FAT3: variants seen among roughly 807,000 people sequenced by gnomAD.
The protein encoded by FAT3 is protocadherin Fat 3.
In FAT3, 95 loss-of-function variants were observed where a neutral mutation model predicts 310.2. The ratio of observed to expected loss-of-function variants is 0.31; its 90% CI spans 0.26 to 0.36. The LOEUF is 0.36. Among genes scored for constraint, FAT3 ranks in the 10% least tolerant of loss-of-function variants. The pLI, the probability that FAT3 is intolerant of heterozygous loss-of-function variation, is 1.00. For missense variants in FAT3, 5,408 were observed against 5,715.6 expected, an observed-to-expected ratio of 0.95 and a Z score of 1.74; for synonymous variants, 2,314 against 2,192.9, an observed-to-expected ratio of 1.06 and a Z score of -1.54.
chr11:92,477,956 G>A (rs1467640242), intron 2 of FAT3, among the ~76,000 whole-genome samples: 1 of 152,194 alleles, frequency 6.6e-6, no homozygotes, highest in Non-Finnish European at 1.5e-5. Context: ...TGTCCCAGGT[G>A]ATAGCCTTCA....
chr11:92,610,432 A>G (rs1940508443), intron 3 of FAT3, among the ~76,000 whole-genome samples: 1 of 152,186 alleles, frequency 6.6e-6, no homozygotes, highest in Non-Finnish European at 1.5e-5. Flanking sequence ...CTCATTTTTA[A>G]AGTATTAAGC....
At chr11:92,574,694 G>C (rs1438592665) in intron 3 of FAT3, among the ~76,000 whole-genome samples, 1 of 152,144 alleles carries the variant, frequency 6.6e-6, no homozygotes, top group African/African-American at 2.4e-5. Flanking sequence ...TGAGCTTCTA[G>C]TAAACATTCT....
At position 92,800,473 on chromosome 11, in the gene FAT3, T is replaced by A. The variant is rs1480994980; in HGVS notation, c.7460T>A (p.Leu2487His). The A allele has an allele frequency of 1.2e-6, 2 of 1,614,004 alleles. No homozygotes were observed. The highest frequency in any genetic ancestry group is 3.3e-5 in the Admixed American group (2 of 60,024). Residue 2487 changes from leucine (L) to histidine (H), a missense_variant, in exon 10 of 28, where the codon CTT becomes CAT. Transcript: ENST00000525166. ...TSTAQVHIRVLGANLYSPAFS... is the reference protein window; with the variant it reads ...TSTAQVHIRVHGANLYSPAFS... The stretch of plus-strand genomic sequence containing the variant: ...ACTGCACAGGTGCATATTAGGGTAC[T>A]TGGGGCTAACTTGTACAGCCCTGCC...
At chr11:92,779,928 A>G (rs1164094851) in intron 7 of FAT3, among the ~76,000 whole-genome samples, 1 of 152,094 alleles carries the variant, frequency 6.6e-6, no homozygotes, top group Non-Finnish European at 1.5e-5. Context: ...AGCCTTAAGG[A>G]GCTGAGAGAG....
At chr11:92,792,595 A>T (rs1316842296) in intron 8 of FAT3, among the ~76,000 whole-genome samples, 172 bp from the exon 9 acceptor site, 3 of 152,180 alleles carry the variant, frequency 2.0e-5, no homozygotes, top group Admixed American at 1.3e-4. Context: ...ATTTGCTCAC[A>T]ATGTTTCCTC....
chr11:92,340,508 T>C (rs1009096930), intron 1 of FAT3, among the ~76,000 whole-genome samples: 1 of 152,218 alleles, frequency 6.6e-6, no homozygotes, highest in Non-Finnish European at 1.5e-5. Context: ...CCGTCTGCAT[T>C]GGATTGCTTT....
At chr11:92,806,559 A>G (rs1947512478) in intron 12 of FAT3, 44 bp downstream of exon 12, 2 of 1,494,008 alleles carry the variant, frequency 1.3e-6, no homozygotes, top group Non-Finnish European at 9.0e-7. Flanking sequence ...TTGTTAATTC[A>G]TGAGAGAAGT....
chr11:92,330,984 G>A (rs1413332354), intron 1 of FAT3, among the ~76,000 whole-genome samples: 5 of 120,628 alleles, frequency 4.1e-5, no homozygotes, highest in African/African-American at 5.2e-5. Context: ...GTGTGTGTGT[G>A]TGTGTGTGTG....
chr11:92,592,279 A>G (rs965715867), intron 3 of FAT3, among the ~76,000 whole-genome samples: 31 of 151,510 alleles, frequency 2.0e-4, no homozygotes, highest in African/African-American at 6.8e-4. Flanking sequence ...TTGTAAACAA[A>G]GATGTTGCCC....
At chr11:92,871,454 T>C (rs1327179560) in intron 22 of FAT3, among the ~76,000 whole-genome samples, 7 of 152,212 alleles carry the variant, frequency 4.6e-5, no homozygotes, top group Non-Finnish European at 1.5e-5. Context: ...CTAGGTGCTA[T>C]AGTGATTTAT....
intron 1 of FAT3, among the ~76,000 whole-genome samples, chr11:92,277,703 G>GGA (rs144982879): frequency 9.9e-5 from 15 of 151,716 alleles, no homozygotes; most frequent in African/African-American, 3.4e-4. Flanking sequence ...ATACTAGAGT[G>GGA]GAGAGAGAGA....
chr11:92,352,021 A>G (rs577259906), intron 1 of FAT3, 75 bp from the exon 2 acceptor site: 126 of 968,022 alleles, frequency 1.3e-4, no homozygotes, highest in Non-Finnish European at 1.6e-4. Flanking sequence ...ATGGCTTCCT[A>G]ATAGTTATTT....
intron 21 of FAT3, among the ~76,000 whole-genome samples, chr11:92,866,040 T>G (rs1949238968): frequency 6.6e-6 from 1 of 152,222 alleles, no homozygotes; most frequent in Non-Finnish European, 1.5e-5. Context: ...ACCTAAACCA[T>G]GAGCATCATC....
At chr11:92,264,945 C>T (rs1011967273) in intron 1 of FAT3, among the ~76,000 whole-genome samples, 9 of 151,998 alleles carry the variant, frequency 5.9e-5, no homozygotes, top group African/African-American at 9.7e-5. Flanking sequence ...AGAGACACCC[C>T]ATGCCCACCT....
intron 3 of FAT3, among the ~76,000 whole-genome samples, chr11:92,661,100 G>A (rs527543260): frequency 1.8e-4 from 28 of 152,200 alleles, no homozygotes; most frequent in Non-Finnish European, 3.4e-4. Context: ...CAAAATAAAT[G>A]TATTTGGTAG....
At chr11:92,761,728 GA>G in intron 4 of FAT3, 127 bp from the exon 5 acceptor site, 1 of 845,874 alleles carries the variant, frequency 1.2e-6, no homozygotes, top group Non-Finnish European at 1.9e-6. Flanking sequence ...AAAAAGAGAA[GA>G]AAATGAATAC....
intron 2 of FAT3, among the ~76,000 whole-genome samples, chr11:92,386,997 A>G (rs1949639098): frequency 6.6e-6 from 1 of 151,912 alleles, no homozygotes; most frequent in African/African-American, 2.4e-5. Context: ...TCTGTGGCTC[A>G]GAGGGGATTC....
chr11:92,595,519 C>T (rs1416925581), intron 3 of FAT3, among the ~76,000 whole-genome samples: 2 of 152,168 alleles, frequency 1.3e-5, no homozygotes, highest in Admixed American at 1.3e-4. Context: ...GGTAGTACTT[C>T]CTGGCCCAGG....
At chr11:92,860,546 G>A (rs1013647243) in intron 21 of FAT3, among the ~76,000 whole-genome samples, 16 of 152,186 alleles carry the variant, frequency 1.1e-4, no homozygotes, top group African/African-American at 3.6e-4. Context: ...TGTTGTAAAT[G>A]CTCTTCAGAA....
Sources: allele counts gnomAD v4.1 joint callset (sites outside exome capture counted in the v4.1 genomes callset), GRCh38; gene constraint gnomAD v4.1.1; transcripts MANE v1.5; gene names NCBI Gene and HGNC (gene_info 2026-07-23, HGNC 2026-07-21).